The following EDIL3 variants were observed in gnomAD, a reference collection of about 807,000 sequenced individuals.
EDIL3 encodes EGF-like repeat and discoidin I-like domain-containing protein 3.
Under a neutral mutation model 67.4 loss-of-function variants are expected in EDIL3, and 37 were observed. The ratio of observed to expected loss-of-function variants is 0.55; its 90% confidence interval spans 0.42 to 0.72. The LOEUF (loss-of-function observed/expected upper bound fraction) is 0.72, where lower values mean the gene tolerates loss of function less well. Ranked by LOEUF, EDIL3 falls within the 30% of genes least tolerant of loss-of-function variation. EDIL3 has a pLI of 0.00. For synonymous variants in EDIL3, 195 were observed against 196.3 expected (o/e 0.99, Z 0.05); for missense variants, 527 against 586.3 (o/e 0.90, Z 1.04).
rs186410115 is a variant in EDIL3, at chr5:84,105,479, T to G, written c.651+1170A>C. On this transcript the variant is annotated intron_variant, in intron 6 of 10. Transcript: ENST00000296591. ...GTCTTGCCTCTTAGCCATAAATCAA[T>G]TTTCGTTTATACCAAATGCCTGTAA... 3.4e-3 allele frequency among the ~76,000 whole-genome samples: 512 copies of G among 152,144 alleles called. 3 individuals are homozygous for G. Among genetic ancestry groups the G allele is most frequent in the African/African-American group, 0.012 (488 of 41,548 alleles).
At chr5:84,254,049 A>T in intron 2 of EDIL3, 35 bp downstream of exon 2, 2 of 1,543,140 alleles carry the variant, frequency 1.3e-6, no homozygotes, top group Non-Finnish European at 1.7e-6. Flanking sequence ...GGAAATAAAA[A>T]GATAACTACT....
rs115737189 is a variant in EDIL3 at position 84,335,778 on chromosome 5, G to A, written c.67+48530C>T. On this transcript the variant is annotated intron_variant, in intron 1 of 10. Coordinates refer to ENST00000296591, the MANE Select transcript of EDIL3 (RefSeq NM_005711.5). ...GAGGATGTCTCAGTCTGTTTATGCT[G>A]CTATAATTAACGTCTAAGACTGGGT... Among the ~76,000 whole-genome samples the A allele has an allele frequency of 2.8e-3, 431 of 152,254 alleles. 4 individuals carry two copies. The highest frequency in any genetic ancestry group is 9.8e-3 in the African/African-American group (409 of 41,550).
chr5:84,178,754 G>A (rs1490612439), intron 4 of EDIL3, among the ~76,000 whole-genome samples: 1 of 152,068 alleles, frequency 6.6e-6, no homozygotes, highest in Non-Finnish European at 1.5e-5. Context: ...TCTGTTTTCT[G>A]TTGCTTCTAA....
intron 5 of EDIL3, among the ~76,000 whole-genome samples, chr5:84,135,555 T>G (rs1748075677): frequency 6.6e-6 from 1 of 152,228 alleles, no homozygotes; most frequent in Non-Finnish European, 1.5e-5. Flanking sequence ...GCAGCCATCT[T>G]CAAATTCCAT....
chr5:84,090,196 T>A (rs1383652145), intron 6 of EDIL3, among the ~76,000 whole-genome samples: 8 of 152,188 alleles, frequency 5.3e-5, no homozygotes, highest in Admixed American at 4.6e-4. Flanking sequence ...CCTAAGGATG[T>A]CACTAGTAGA....
intron 1 of EDIL3, among the ~76,000 whole-genome samples, chr5:84,356,889 CTTTTTTTTTTTT>C (rs1189590387): frequency 2.5e-4 from 8 of 32,086 alleles, no homozygotes; most frequent in African/African-American, 5.4e-4. Flanking sequence ...ATCTTTCTTT[CTTTTTTTTTTTT>C]TTTTTTTTTT....
At position 84,088,258 on chromosome 5, in the gene EDIL3, A is replaced by G. The variant is rs181794797; in HGVS notation, c.651+18391T>C. On this transcript the variant is annotated intron_variant, in intron 6 of 10. Transcript: ENST00000296591. ...GACTCAGAAAAACATTCCAAAAAGTATCAGATAATGCATTGATGTTTCAAA... is the reference window on the plus strand; with the variant it reads ...GACTCAGAAAAACATTCCAAAAAGTGTCAGATAATGCATTGATGTTTCAAA... 4.7e-3 allele frequency among the ~76,000 whole-genome samples: 718 copies of G among 152,350 alleles called. 6 individuals are homozygous for G. The highest frequency in any genetic ancestry group is 0.016 in the African/African-American group (675 of 41,590).
intron 1 of EDIL3, among the ~76,000 whole-genome samples, chr5:84,290,376 C>T (rs545308346): frequency 2.0e-5 from 3 of 152,186 alleles, no homozygotes; most frequent in East Asian, 1.9e-4. Flanking sequence ...TCTTGCACAT[C>T]AATCTCCATT....
chr5:83,955,917 A>C (rs777744671), intron 10 of EDIL3, among the ~76,000 whole-genome samples: 12 of 151,830 alleles, frequency 7.9e-5, no homozygotes, highest in Non-Finnish European at 1.6e-4. Flanking sequence ...AATGTGAACT[A>C]ATATACAAAG....
chr5:84,038,642 G>T lies in EDIL3; in HGVS notation c.1137+21658C>A, dbSNP rs186662900. 2.6e-5 allele frequency among the ~76,000 whole-genome samples: 4 copies of T among 152,300 alleles called. No individual in the cohort carries two copies. The East Asian group carries it at 7.7e-4, about 29-fold the overall frequency. On this transcript the variant is annotated intron_variant, in intron 9 of 10. Transcript: ENST00000296591. ...AAAACAATGGATAATCTCATAAGGG[G>T]TGCTGTTGTTGGTGGTGGGATGTCC...
chr5:84,007,391 A>C (rs1477608304), intron 9 of EDIL3, among the ~76,000 whole-genome samples: 1 of 152,160 alleles, frequency 6.6e-6, no homozygotes, highest in Non-Finnish European at 1.5e-5. Flanking sequence ...GGGATTAATA[A>C]CCAGAATACA....
chr5:84,185,233 G>A (rs1749088269), intron 3 of EDIL3, among the ~76,000 whole-genome samples: 1 of 152,086 alleles, frequency 6.6e-6, no homozygotes, highest in Non-Finnish European at 1.5e-5. Context: ...ATTCATGTTA[G>A]TCTTCACAGA....
Position 84,064,806 on chromosome 5 carries a change from A to G in EDIL3, c.846T>C (p.Ala282=), listed in dbSNP as rs1746606269. The change falls in exon 8 of 11, where the codon GCT becomes GCC. Residue 282 remains alanine (A), a synonymous_variant. Coordinates refer to ENST00000296591, the MANE Select transcript of EDIL3 (RefSeq NM_005711.5). ...RGNIDNNTPY[A]NSFTPPIKAQ... ...CTTTTATGGGGGGTGTGAAAGAGTTAGCATATGGAGTGTTGTTATCAATGT... is the reference window on the plus strand; with the variant it reads ...CTTTTATGGGGGGTGTGAAAGAGTTGGCATATGGAGTGTTGTTATCAATGT... The G allele has an allele frequency of 1.2e-6, 2 of 1,613,506 alleles. No homozygotes were observed. The highest frequency in any genetic ancestry group is 1.3e-5 in the African/African-American group (1 of 74,934).
intron 3 of EDIL3, among the ~76,000 whole-genome samples, chr5:84,190,569 GTGTGTGTGTGTATATATATA>G (rs1561457820): frequency 1.6e-5 from 1 of 62,270 alleles, no homozygotes; most frequent in Non-Finnish European, 3.3e-5. Flanking sequence ...GTGTGTGTGT[GTGTGTGTGTGTATATATATA>G]TATATATATA....
intron 6 of EDIL3, among the ~76,000 whole-genome samples, chr5:84,082,465 T>C (rs1240572028): frequency 1.3e-5 from 2 of 152,174 alleles, no homozygotes; most frequent in Admixed American, 6.5e-5. Context: ...AGAATGTGAA[T>C]GAATTAACCA....
At chr5:84,092,574 T>A (rs1430929257) in intron 6 of EDIL3, among the ~76,000 whole-genome samples, 1 of 152,216 alleles carries the variant, frequency 6.6e-6, no homozygotes, top group Non-Finnish European at 1.5e-5. Context: ...ATAGTTTGTA[T>A]ATCTGACATT....
At chr5:83,968,990 C>T (rs1220652686) in intron 9 of EDIL3, among the ~76,000 whole-genome samples, 1 of 151,622 alleles carries the variant, frequency 6.6e-6, no homozygotes, top group Non-Finnish European at 1.5e-5. Flanking sequence ...CAATGCTTTC[C>T]TTCCCAATTC....
intron 6 of EDIL3, among the ~76,000 whole-genome samples, chr5:84,071,193 G>C (rs1746734616): frequency 6.6e-6 from 1 of 152,170 alleles, no homozygotes; most frequent in Non-Finnish European, 1.5e-5. Flanking sequence ...TTGTGGGAAA[G>C]GGGACTGTAG....
At chr5:84,316,367 T>C (rs2112149766) in intron 1 of EDIL3, among the ~76,000 whole-genome samples, 1 of 152,116 alleles carries the variant, frequency 6.6e-6, no homozygotes, top group African/African-American at 2.4e-5. Context: ...AGCAGACCCA[T>C]CTCACATGCA....
Sources: gnomAD v4.1 joint callset for allele counts (sites outside exome capture counted in the v4.1 genomes callset) on GRCh38, gnomAD v4.1.1 for gene constraint, MANE v1.5 for transcripts, NCBI Gene and HGNC (gene_info 2026-07-23, HGNC 2026-07-21) for gene names.